GRM7: variants seen among roughly 807,000 people sequenced by gnomAD.
The protein encoded by GRM7 is glutamate metabotropic receptor 7.
A neutral mutation model predicts 84.5 loss-of-function variants in GRM7; 35 were observed. The ratio of observed to expected loss-of-function variants is 0.41; its 90% confidence interval spans 0.32 to 0.55. The LOEUF is 0.55. Ranked by LOEUF, GRM7 falls within the 20% of genes least tolerant of loss-of-function variation. The pLI, the probability that GRM7 is intolerant of heterozygous loss-of-function variation, is 0.19. For synonymous variants in GRM7, 487 were observed against 455.1 expected (o/e 1.07, Z -0.89); for missense variants, 1,003 against 1,194.6 (o/e 0.84, Z 2.36).
intron 5 of GRM7, among the ~76,000 whole-genome samples, chr3:7,440,539 G>A (rs1050363795): frequency 2.0e-5 from 3 of 152,150 alleles, no homozygotes; most frequent in Non-Finnish European, 4.4e-5. Context: ...GAGTACATAT[G>A]CAGCTTGGTT....
At chr3:7,523,216 A>G (rs1318649831) in intron 7 of GRM7, among the ~76,000 whole-genome samples, 3 of 152,184 alleles carry the variant, frequency 2.0e-5, no homozygotes, top group Non-Finnish European at 4.4e-5. Flanking sequence ...ATGATAAGGT[A>G]CTATCATCAT....
intron 1 of GRM7, among the ~76,000 whole-genome samples, chr3:7,055,169 A>G (rs1010666665): frequency 2.6e-5 from 4 of 151,822 alleles, no homozygotes; most frequent in African/African-American, 9.7e-5. Context: ...TAATGTACCA[A>G]ACAATCTATT....
At chr3:7,493,361 A>G (rs1216547674) in intron 7 of GRM7, among the ~76,000 whole-genome samples, 5 of 151,904 alleles carry the variant, frequency 3.3e-5, no homozygotes, top group African/African-American at 1.2e-4. Context: ...TAGTGAATAC[A>G]CATTTAAGAT....
intron 4 of GRM7, among the ~76,000 whole-genome samples, chr3:7,355,053 G>A (rs1319185573): frequency 1.3e-5 from 2 of 152,108 alleles, no homozygotes; most frequent in African/African-American, 4.8e-5. Context: ...CAGCCACTGT[G>A]GACTTAATTG....
rs34132725 is a variant in GRM7, at chr3:6,878,378, C to CGTGTGTGTGT, written c.519+16500_519+16509dup. ...CAAAGGGTGATTTTTTATGTGTTTG[C>CGTGTGTGTGT]GTGTGTGTGTGTGTGTGTGTGTGTG... On this transcript the variant is annotated intron_variant, in intron 1 of 9. Transcript: ENST00000357716. Among the ~76,000 whole-genome samples the CGTGTGTGTGT allele has an allele frequency of 6.9e-3, 982 of 142,046 alleles. 10 individuals are homozygous for CGTGTGTGTGT. Among genetic ancestry groups the CGTGTGTGTGT allele is most frequent in the South Asian group, 0.027 (118 of 4,300 alleles). The allele number at this position is 142,046 out of a possible 152,430, so 93.2% of individuals were successfully genotyped here. A position where few individuals can be genotyped will look rare whatever the true frequency, so the allele number is the denominator to read the frequency against.
At chr3:7,337,534 C>G (rs1323074746) in intron 4 of GRM7, among the ~76,000 whole-genome samples, 2 of 151,640 alleles carry the variant, frequency 1.3e-5, no homozygotes, top group Non-Finnish European at 2.9e-5. Flanking sequence ...GACTAATATC[C>G]AAAAATCTAT....
At chr3:7,007,067 A>C (rs338090) in intron 1 of GRM7, among the ~76,000 whole-genome samples, 1 of 152,190 alleles carries the variant, frequency 6.6e-6, no homozygotes, top group African/African-American at 2.4e-5. Context: ...ATATTGGTTC[A>C]AGGTATTTCT....
intron 8 of GRM7, among the ~76,000 whole-genome samples, chr3:7,604,729 A>C (rs1231554131): frequency 6.6e-6 from 1 of 152,182 alleles, no homozygotes; most frequent in African/African-American, 2.4e-5. Flanking sequence ...TAGAAAAGGA[A>C]GACAGATACA....
At chr3:7,328,222 A>G (rs530930311) in intron 4 of GRM7, among the ~76,000 whole-genome samples, 31 of 152,244 alleles carry the variant, frequency 2.0e-4, no homozygotes, top group African/African-American at 5.3e-4. Context: ...AAATTTTCTA[A>G]CTCATCGTCA....
At chr3:7,479,662 C>T (rs931625231) in intron 7 of GRM7, among the ~76,000 whole-genome samples, 4 of 152,174 alleles carry the variant, frequency 2.6e-5, no homozygotes, top group Admixed American at 1.3e-4. Flanking sequence ...CTTATTAGGT[C>T]GCTCTCACAG....
intron 7 of GRM7, among the ~76,000 whole-genome samples, chr3:7,503,999 G>A (rs1297861676): frequency 6.6e-6 from 1 of 152,054 alleles, no homozygotes; most frequent in Admixed American, 6.6e-5. Flanking sequence ...ACCTACCCAT[G>A]TACCTAATAT....
At chr3:7,446,904 C>T (rs535735692) in intron 5 of GRM7, among the ~76,000 whole-genome samples, 2 of 152,260 alleles carry the variant, frequency 1.3e-5, no homozygotes, top group Admixed American at 6.5e-5. Context: ...TTAAACAGGT[C>T]TTTCAAAGAA....
In GRM7 at chr3:7,256,069, C is replaced by T. The variant is rs185268996; in HGVS notation, c.737-42615C>T. Among the ~76,000 whole-genome samples the T allele has an allele frequency of 4.7e-3, 711 of 152,230 alleles. 19 individuals are homozygous for T. Among genetic ancestry groups the T allele is most frequent in the Admixed American group, 0.041 (629 of 15,270 alleles). ...CTCTGCCCCTTATTTATAATGCTGG[C>T]CTTTTTGTCCACATACCACACTTTC... On this transcript the variant is annotated intron_variant, in intron 2 of 9. Coordinates refer to ENST00000357716, the MANE Select transcript of GRM7 (RefSeq NM_000844.4).
At chr3:7,517,885 G>C (rs572624111) in intron 7 of GRM7, among the ~76,000 whole-genome samples, 1 of 152,322 alleles carries the variant, frequency 6.6e-6, no homozygotes, top group Admixed American at 6.5e-5. Flanking sequence ...GGTGGAATTT[G>C]AACTGTTGCC....
chr3:7,098,508 T>C (rs1698933934), intron 1 of GRM7, among the ~76,000 whole-genome samples: 1 of 151,952 alleles, frequency 6.6e-6, no homozygotes, highest in African/African-American at 2.4e-5. Flanking sequence ...GAGATTTTTT[T>C]CCTCATCTGT....
At chr3:6,987,788 C>T (rs1694473795) in intron 1 of GRM7, among the ~76,000 whole-genome samples, 1 of 152,066 alleles carries the variant, frequency 6.6e-6, no homozygotes, top group African/African-American at 2.4e-5. Context: ...GACCAAGATT[C>T]CTGGAAACAG....
chr3:7,589,394 A>G (rs530828008), intron 8 of GRM7, among the ~76,000 whole-genome samples: 5 of 152,296 alleles, frequency 3.3e-5, no homozygotes, highest in Admixed American at 1.3e-4. Context: ...CATAGGGATA[A>G]GTGTTTTATA....
intron 4 of GRM7, among the ~76,000 whole-genome samples, chr3:7,408,046 T>C (rs1695757719): frequency 6.6e-6 from 1 of 152,184 alleles, no homozygotes; most frequent in African/African-American, 2.4e-5. Flanking sequence ...ATCGTCCCCA[T>C]TTTATCAATT....
At chr3:7,270,776 T>A (rs994234850) in intron 2 of GRM7, among the ~76,000 whole-genome samples, 3 of 152,184 alleles carry the variant, frequency 2.0e-5, no homozygotes, top group Admixed American at 2.0e-4. Context: ...AATGGTCAAT[T>A]TCTATCCAAA....
Sources: allele counts gnomAD v4.1 joint callset (sites outside exome capture counted in the v4.1 genomes callset), GRCh38; gene constraint gnomAD v4.1.1; transcripts MANE v1.5; gene names NCBI Gene and HGNC (gene_info 2026-07-23, HGNC 2026-07-21).